The following LPP variants were observed in gnomAD, a reference collection of about 807,000 sequenced individuals.
LPP encodes LIM domain containing preferred translocation partner in lipoma.
A neutral mutation model predicts 60.4 loss-of-function variants in LPP; 38 were observed. That is an observed-to-expected ratio of 0.63 (90% CI 0.49 to 0.83). The LOEUF is 0.83. LPP is among the 40% of genes least tolerant of loss of function. The probability of loss-of-function intolerance (pLI) is 0.00; values close to 1 mark genes in which losing one functional copy is unlikely to be tolerated. For missense variants in LPP, 902 were observed against 783.6 expected (o/e 1.15, Z -1.80); for synonymous variants, 328 against 290.8 (o/e 1.13, Z -1.30).
At chr3:188,523,691 C>G (rs1819645226) in intron 5 of LPP, among the ~76,000 whole-genome samples, 1 of 152,116 alleles carries the variant, frequency 6.6e-6, no homozygotes, top group Admixed American at 6.5e-5. Flanking sequence ...TATTTTACGT[C>G]CTTAGACAAG....
intron 7 of LPP, among the ~76,000 whole-genome samples, chr3:188,687,270 G>A (rs1001606079): frequency 1.3e-5 from 2 of 152,142 alleles, no homozygotes; most frequent in Non-Finnish European, 2.9e-5. Context: ...GTATACCATA[G>A]TCTGTTCTAA....
intron 2 of LPP, among the ~76,000 whole-genome samples, chr3:188,243,472 C>T (rs1167763698): frequency 1.3e-5 from 2 of 152,134 alleles, no homozygotes; most frequent in South Asian, 2.1e-4. Context: ...CTCAGAAGGC[C>T]GGATCTGGGA....
intron 1 of LPP, among the ~76,000 whole-genome samples, chr3:188,171,818 A>G (rs1721663143): frequency 6.6e-6 from 1 of 152,220 alleles, no homozygotes; most frequent in Admixed American, 6.5e-5. Context: ...AAAACTGGTC[A>G]TGTGGAAAGC....
chr3:188,520,697 C>G (rs1818635049), intron 5 of LPP, among the ~76,000 whole-genome samples: 1 of 152,162 alleles, frequency 6.6e-6, no homozygotes, highest in African/African-American at 2.4e-5. Flanking sequence ...TTTTTCTTGG[C>G]AGAACACAGA....
chr3:188,240,528 A>G (rs1723996393), intron 2 of LPP, among the ~76,000 whole-genome samples: 1 of 152,314 alleles, frequency 6.6e-6, no homozygotes, highest in South Asian at 2.1e-4. Flanking sequence ...TTTGTAGGGA[A>G]GGAAACTGAT....
chr3:188,583,418 C>G (rs1836715073), intron 6 of LPP, among the ~76,000 whole-genome samples: 1 of 152,146 alleles, frequency 6.6e-6, no homozygotes, highest in African/African-American at 2.4e-5. Flanking sequence ...CTTTTATTGC[C>G]TTGTCTCAAC....
chr3:188,628,277 T>C (rs1415982551), intron 7 of LPP, among the ~76,000 whole-genome samples: 1 of 151,686 alleles, frequency 6.6e-6, no homozygotes, highest in Non-Finnish European at 1.5e-5. Context: ...AATTCTGATA[T>C]GAAAACCATA....
intron 3 of LPP, among the ~76,000 whole-genome samples, chr3:188,391,404 A>G (rs114660585): frequency 0.037 from 5,686 of 152,288 alleles, 148 homozygotes; most frequent in Non-Finnish European, 0.061. Context: ...TATTTGCTTG[A>G]TGAATTTGAA....
intron 1 of LPP, among the ~76,000 whole-genome samples, chr3:188,191,501 T>C (rs1245302972): frequency 6.6e-6 from 1 of 152,168 alleles, no homozygotes; most frequent in Non-Finnish European, 1.5e-5. Flanking sequence ...GTTTTGCCAC[T>C]GGAAGTGGGT....
chr3:188,175,386 C>T (rs891165618), intron 1 of LPP, among the ~76,000 whole-genome samples: 5 of 152,198 alleles, frequency 3.3e-5, no homozygotes, highest in Non-Finnish European at 2.9e-5. Flanking sequence ...CCACGCCCCA[C>T]CTAGAGTAGA....
intron 3 of LPP, among the ~76,000 whole-genome samples, chr3:188,378,482 G>A (rs1372763918): frequency 6.6e-6 from 1 of 152,202 alleles, no homozygotes; most frequent in African/African-American, 2.4e-5. Context: ...AGCAATGAGT[G>A]AGACTCCATG....
chr3:188,267,011 T>C (rs1392597842), intron 2 of LPP, among the ~76,000 whole-genome samples: 3 of 152,186 alleles, frequency 2.0e-5, no homozygotes, highest in African/African-American at 7.2e-5. Flanking sequence ...AGAAAAAGCA[T>C]GTGCTCTCCT....
At chr3:188,807,234 A>G (rs1292324105) in intron 9 of LPP, among the ~76,000 whole-genome samples, 3 of 151,882 alleles carry the variant, frequency 2.0e-5, no homozygotes, top group African/African-American at 7.2e-5. Context: ...TGCAGTATGA[A>G]TTTTTGTTTT....
chr3:188,750,727 G>A (rs1727802562), intron 8 of LPP, among the ~76,000 whole-genome samples: 1 of 152,190 alleles, frequency 6.6e-6, no homozygotes, highest in Non-Finnish European at 1.5e-5. Context: ...AAGAAGGTAA[G>A]AGGGACACTG....
intron 9 of LPP, among the ~76,000 whole-genome samples, chr3:188,822,419 T>C (rs572447913): frequency 1.3e-5 from 2 of 152,210 alleles, no homozygotes; most frequent in South Asian, 4.1e-4. Flanking sequence ...ATGAGAGCAC[T>C]GAAATTCCAG....
intron 2 of LPP, among the ~76,000 whole-genome samples, chr3:188,270,648 C>T (rs1173552663): frequency 6.6e-6 from 1 of 152,140 alleles, no homozygotes; most frequent in African/African-American, 2.4e-5. Flanking sequence ...ACATGCAATG[C>T]ATTCCTCAGA....
chr3:188,669,303 A>G (rs1223479163), intron 7 of LPP, among the ~76,000 whole-genome samples: 6 of 152,168 alleles, frequency 3.9e-5, no homozygotes, highest in Non-Finnish European at 7.4e-5. Flanking sequence ...AGGGCCGGGC[A>G]TGATGGCTCA....
At chr3:188,326,440 A>C (rs774309402) in intron 2 of LPP, among the ~76,000 whole-genome samples, 1 of 152,216 alleles carries the variant, frequency 6.6e-6, no homozygotes, top group Non-Finnish European at 1.5e-5. Flanking sequence ...GTTCAATTGC[A>C]CTTTTGCCAA....
At chr3:188,432,492 A>G (rs1174607362) in intron 4 of LPP, among the ~76,000 whole-genome samples, 1 of 152,178 alleles carries the variant, frequency 6.6e-6, no homozygotes, top group Non-Finnish European at 1.5e-5. Context: ...TGTAGCTATG[A>G]ATCAGGGTGG....
Sources: gnomAD v4.1 joint callset for allele counts (sites outside exome capture counted in the v4.1 genomes callset) on GRCh38, gnomAD v4.1.1 for gene constraint, MANE v1.5 for transcripts, NCBI Gene and HGNC (gene_info 2026-07-23, HGNC 2026-07-21) for gene names.